MAP7D3: variants seen among roughly 807,000 people sequenced by gnomAD.
MAP7D3 encodes the protein MAP7 domain containing 3.
Under a neutral mutation model 62.2 loss-of-function variants are expected in MAP7D3, and 45 were observed. That is an observed-to-expected ratio of 0.72 (90% CI 0.57 to 0.93). MAP7D3 has a LOEUF of 0.93. Ranked by LOEUF, MAP7D3 falls within the 40% of genes least tolerant of loss-of-function variation. MAP7D3 has a pLI of 0.00. For missense variants in MAP7D3, 711 were observed against 683.1 expected (o/e 1.04, Z -0.45); for synonymous variants, 288 against 248.8 (o/e 1.16, Z -1.48).
In MAP7D3 at chrX:136,228,662, T is replaced by C; in HGVS notation, c.1847A>G (p.Lys616Arg). 8.3e-7 allele frequency: 1 copy of C among 1,207,286 alleles called. No homozygotes were observed. The highest frequency in any genetic ancestry group is 3.0e-5 in the East Asian group (1 of 33,536). The change falls in exon 11 of 19, where the codon AAA becomes AGA. Residue 616 changes from lysine (K) to arginine (R), a missense_variant. Lys to Arg is a conservative substitution (Grantham distance 26). Transcript: ENST00000316077. ...LRRLAREQRE[K>R]EEEERQREEM... ...TTCCCGTTGTCTTTCTTCTTCCTCT[T>C]TTTCTCTTTGTTCACGAGCAAGGCG... is the stretch of plus-strand genomic sequence containing the variant.
chrX:136,244,587 G>C (rs2074426486), intron 4 of MAP7D3, 45 bp downstream of exon 4: 1 of 1,138,139 alleles, frequency 8.8e-7, no homozygotes. Flanking sequence ...CTAGACTCAG[G>C]CAACACAGTT....
At chrX:136,233,747 T>C (rs1272224192) in intron 7 of MAP7D3, among the ~76,000 whole-genome samples, 1 of 107,603 alleles carries the variant, frequency 9.3e-6, no homozygotes, top group Non-Finnish European at 1.9e-5. Context: ...TTACCAAAGA[T>C]AGACTACTTA....
intron 11 of MAP7D3, among the ~76,000 whole-genome samples, chrX:136,227,780 G>C (rs997811995): frequency 3.4e-4 from 38 of 111,220 alleles, no homozygotes; most frequent in African/African-American, 1.2e-3. Context: ...TCTCTCGTGG[G>C]GGTAACAGAG....
downstream of MAP7D3, among the ~76,000 whole-genome samples, chrX:136,216,376 A>AG (rs1265758228): frequency 6.1e-4 from 64 of 104,279 alleles, no homozygotes; most frequent in Non-Finnish European, 9.0e-4. Flanking sequence ...AAAAAAAAAA[A>AG]AAAAAGAAAA....
chrX:136,230,808 T>C, intron 9 of MAP7D3, 31 bp downstream of exon 9: 1 of 1,191,655 alleles, frequency 8.4e-7, no homozygotes, highest in Non-Finnish European at 1.1e-6. Context: ...GTAAAACGCC[T>C]ATCAGGAACA....
chrX:136,221,643 C>T (rs1456884265), intron 15 of MAP7D3: 2 of 112,751 alleles, frequency 1.8e-5, no homozygotes, highest in African/African-American at 6.4e-5. Flanking sequence ...TCTAATATTA[C>T]CTTCTATCTT....
upstream of MAP7D3, among the ~76,000 whole-genome samples, chrX:136,252,716 GA>G (rs1293703825): frequency 6.7e-5 from 5 of 75,120 alleles, no homozygotes; most frequent in Non-Finnish European, 1.4e-4. Flanking sequence ...AAAAGAAAAA[GA>G]AAAAAAAGAC....
At chrX:136,215,534 G>A (rs2074055719), downstream of MAP7D3, among the ~76,000 whole-genome samples, 1 of 111,815 alleles carries the variant, frequency 8.9e-6, no homozygotes, top group Non-Finnish European at 1.9e-5. Flanking sequence ...CTACATTATG[G>A]TGAGTTGTAT....
chrX:136,227,292 G>T lies in MAP7D3; in HGVS notation c.2026C>A (p.Pro676Thr). Residue 676 changes from proline to threonine, a missense_variant, in exon 12 of 19, where the codon CCA becomes ACA. Coordinates refer to ENST00000316077, the MANE Select transcript of MAP7D3 (RefSeq NM_024597.4). The part of the protein sequence containing the change: ...GWLDQEDQEA[P>T]LQKGDAKIKA... ...GTGTCAAGTCAGCAAACCTGCAGTG[G>T]TGCTTCCTGGTCTTCCTGATCCAGC... is the stretch of plus-strand genomic sequence containing the variant. 1 of 1,208,721 alleles carries T rather than the reference G, an allele frequency of 8.3e-7. No homozygotes were observed. The highest frequency in any genetic ancestry group is 1.7e-5 in the African/African-American group (1 of 57,211).
chrX:136,240,748 C>T (rs927177701), intron 5 of MAP7D3, among the ~76,000 whole-genome samples: 1 of 111,514 alleles, frequency 9.0e-6, no homozygotes, highest in Non-Finnish European at 1.9e-5. Flanking sequence ...GTGTGAGCCA[C>T]GGCAACTGGC....
chrX:136,228,532 A>G, intron 11 of MAP7D3, 91 bp downstream of exon 11: 1 of 892,212 alleles, frequency 1.1e-6, no homozygotes, highest in Non-Finnish European at 1.6e-6. Flanking sequence ...TTGTTCTTTG[A>G]GAATTTATAA....
chrX:136,230,702 TA>T (rs2074256717), intron 9 of MAP7D3, 109 bp from the exon 10 acceptor site: 1 of 899,524 alleles, frequency 1.1e-6, no homozygotes, highest in African/African-American at 2.0e-5. Context: ...TTCTGAAAAA[TA>T]AATCCCTTTT....
In MAP7D3 at chrX:136,224,365, A is replaced by G. The variant is rs188127178; in HGVS notation, c.2193+462T>C. Among the ~76,000 whole-genome samples, 456 of 103,629 alleles carry G rather than the reference A, an allele frequency of 4.4e-3. 2 individuals are homozygous for G. Among genetic ancestry groups the G allele is most frequent in the African/African-American group, 0.016 (439 of 28,169 alleles). 90.0% of individuals were successfully genotyped at this position (103,629 alleles called of 115,157 possible). A position where few individuals can be genotyped will look rare whatever the true frequency, so the allele number is the denominator to read the frequency against. On this transcript the variant is annotated intron_variant, in intron 14 of 18. Transcript: ENST00000316077. The stretch of plus-strand genomic sequence containing the variant: ...CAGTGAGCCGAGATCACACCACTAC[A>G]CTCTGGCCTGGGTGACAGAGCGGGA...
At chrX:136,242,129 C>G (rs1313772006) in intron 4 of MAP7D3, among the ~76,000 whole-genome samples, 1 of 111,778 alleles carries the variant, frequency 8.9e-6, no homozygotes, top group Non-Finnish European at 1.9e-5. Context: ...TGGAGATGAG[C>G]CATATCTTCT....
At chrX:136,233,297 T>C (rs1338465890) in intron 7 of MAP7D3, among the ~76,000 whole-genome samples, 4 of 103,907 alleles carry the variant, frequency 3.8e-5, no homozygotes, top group Non-Finnish European at 7.9e-5. Context: ...TTTTTTGAGA[T>C]GGAGTCTCGC....
At chrX:136,226,849 T>C (rs2074203106) in intron 12 of MAP7D3, among the ~76,000 whole-genome samples, 1 of 110,122 alleles carries the variant, frequency 9.1e-6, no homozygotes, top group East Asian at 2.9e-4. Context: ...CAGCCAGAGG[T>C]TGGGCGCAGT....
intron 9 of MAP7D3, 50 bp from the exon 10 acceptor site, chrX:136,230,643 C>T: frequency 1.0e-6 from 1 of 958,793 alleles, no homozygotes; most frequent in Non-Finnish European, 1.5e-6. Flanking sequence ...TGTACAATTT[C>T]ATAAAATATA....
chrX:136,231,719 C>T lies in MAP7D3; in HGVS notation c.1238G>A (p.Ser413Asn), dbSNP rs758521409. Reference sequence around the variant, plus strand: ...GCTCCCCTTGGGAGGTGCTTCCAGGCTCCCCTCTGGGGCTGCTTCCACGCT... The same window carrying T: ...GCTCCCCTTGGGAGGTGCTTCCAGGTTCCCCTCTGGGGCTGCTTCCACGCT... ...EVSVEAAPEG[S>N]LEAPPKGSAE... The change falls in exon 8 of 19, where the codon AGC becomes AAC. Residue 413 changes from serine (S) to asparagine (N), a missense_variant. Ser to Asn is a conservative substitution (Grantham distance 46). Coordinates refer to ENST00000316077, the MANE Select transcript of MAP7D3 (RefSeq NM_024597.4). 1.7e-6 allele frequency: 2 copies of T among 1,206,769 alleles called. No homozygotes were observed. Among genetic ancestry groups the T allele is most frequent in the African/African-American group, 3.5e-5 (2 of 56,588 alleles).
chrX:136,223,370 G>A (rs2074153567), intron 14 of MAP7D3, among the ~76,000 whole-genome samples: 1 of 110,762 alleles, frequency 9.0e-6, no homozygotes, highest in Non-Finnish European at 1.9e-5. Context: ...TCCATCAAAA[G>A]ACATGACATT....
Sources: allele counts gnomAD v4.1 joint callset (sites outside exome capture counted in the v4.1 genomes callset), GRCh38; gene constraint gnomAD v4.1.1; transcripts MANE v1.5; gene names NCBI Gene and HGNC (gene_info 2026-07-23, HGNC 2026-07-21).